The following PDCD1LG2 variants were observed in gnomAD, a reference collection of about 807,000 sequenced individuals.
The protein encoded by PDCD1LG2 is B7 dendritic cell molecule.
PDCD1LG2 carries 32 observed loss-of-function variants against 28.2 expected under a neutral mutation model. That is an observed-to-expected ratio of 1.13 (90% CI 0.86 to 1.52). The LOEUF is 1.52. Ranked by LOEUF, PDCD1LG2 falls within the 40% of genes most tolerant of loss-of-function variation. The probability of loss-of-function intolerance (pLI) is 0.00; values close to 1 mark genes in which losing one functional copy is unlikely to be tolerated. For synonymous variants in PDCD1LG2, 116 were observed against 120.2 expected, an observed-to-expected ratio of 0.97 and a Z score of 0.23; for missense variants, 385 against 323.8, an observed-to-expected ratio of 1.19 and a Z score of -1.45.
chr9:5,543,858 T>C (rs1385336495), intron 3 of PDCD1LG2, among the ~76,000 whole-genome samples: 2 of 110,146 alleles, frequency 1.8e-5, no homozygotes, highest in African/African-American at 7.2e-5. Flanking sequence ...AACAATGTCC[T>C]GAATTTCAAT....
Position 5,528,467 on chromosome 9 carries a change from A to AT in PDCD1LG2, c.55+5878dup, listed in dbSNP as rs919125294. On this transcript the variant is annotated intron_variant, in intron 2 of 6. Transcript: ENST00000397747. ...CAGGCCATGCCACCATGCCTGGCTA[A>AT]TTTTTTTTTTTTAATTTTGTAGACA... is the stretch of plus-strand genomic sequence containing the variant. 3.5e-3 allele frequency among the ~76,000 whole-genome samples: 500 copies of AT among 144,746 alleles called. 3 individuals are homozygous for AT. Among genetic ancestry groups the AT allele is most frequent in the Middle Eastern group, 3.6e-3 (1 of 280 alleles). 95.0% of individuals were successfully genotyped at this position (144,746 alleles called of 152,430 possible). A position where few individuals can be genotyped will look rare whatever the true frequency, so the allele number is the denominator to read the frequency against.
chr9:5,514,849 A>G (rs1023360821), intron 1 of PDCD1LG2, among the ~76,000 whole-genome samples: 5 of 152,076 alleles, frequency 3.3e-5, no homozygotes, highest in African/African-American at 1.2e-4. Flanking sequence ...TAGACAAGAA[A>G]TATCCTGAGA....
At chr9:5,563,244 A>C (rs1816601597) in intron 6 of PDCD1LG2, 33 bp downstream of exon 6, 3 of 1,569,752 alleles carry the variant, frequency 1.9e-6, no homozygotes, top group Admixed American at 1.7e-5. Context: ...TTTCTTTCTT[A>C]CTTTCTTTTC....
At chr9:5,530,960 T>A (rs1207453904) in intron 2 of PDCD1LG2, among the ~76,000 whole-genome samples, 1 of 152,224 alleles carries the variant, frequency 6.6e-6, no homozygotes, top group Non-Finnish European at 1.5e-5. Context: ...GGACAACACT[T>A]TGAAGGCAAG....
intron 3 of PDCD1LG2, among the ~76,000 whole-genome samples, chr9:5,541,180 C>G (rs770940437): frequency 2.6e-5 from 4 of 151,996 alleles, no homozygotes; most frequent in Non-Finnish European, 4.4e-5. Flanking sequence ...TGATTAAAAC[C>G]CTCAGCAAAA....
At chr9:5,545,844 A>G (rs971832144) in intron 3 of PDCD1LG2, among the ~76,000 whole-genome samples, 3 of 152,220 alleles carry the variant, frequency 2.0e-5, no homozygotes, top group African/African-American at 7.2e-5. Context: ...TATGTGGAAC[A>G]ATCATCAAAG....
chr9:5,555,591 T>C (rs1219853769), intron 4 of PDCD1LG2, among the ~76,000 whole-genome samples: 2 of 152,150 alleles, frequency 1.3e-5, no homozygotes, highest in East Asian at 3.8e-4. Context: ...AACACTCAGG[T>C]GGTTCAGAGC....
At chr9:5,528,891 G>C (rs1820429736) in intron 2 of PDCD1LG2, among the ~76,000 whole-genome samples, 1 of 152,098 alleles carries the variant, frequency 6.6e-6, no homozygotes, top group Non-Finnish European at 1.5e-5. Context: ...CACCATGCTT[G>C]GCTTATGTTT....
At chr9:5,514,575 T>G (rs565395047) in intron 1 of PDCD1LG2, among the ~76,000 whole-genome samples, 1 of 151,976 alleles carries the variant, frequency 6.6e-6, no homozygotes, top group Admixed American at 6.6e-5. Flanking sequence ...ATACTTCTTA[T>G]GTAGAAATAA....
chr9:5,540,014 T>C (rs1820658511), intron 3 of PDCD1LG2, among the ~76,000 whole-genome samples: 1 of 152,122 alleles, frequency 6.6e-6, no homozygotes, highest in South Asian at 2.1e-4. Flanking sequence ...TCTCCATAAA[T>C]TTAAGAAAAT....
intron 2 of PDCD1LG2, among the ~76,000 whole-genome samples, chr9:5,531,114 C>G (rs1820475178): frequency 6.6e-6 from 1 of 152,140 alleles, no homozygotes; most frequent in Admixed American, 6.6e-5. Flanking sequence ...TTAACAGATC[C>G]AAAGTAGTGC....
intron 2 of PDCD1LG2, among the ~76,000 whole-genome samples, chr9:5,525,984 T>G (rs1423177222): frequency 1.4e-5 from 2 of 140,048 alleles, no homozygotes; most frequent in African/African-American, 5.4e-5. Flanking sequence ...GAGTCGGAGG[T>G]GGCGGTGAGC....
chr9:5,553,731 C>A (rs1816382610), intron 4 of PDCD1LG2, among the ~76,000 whole-genome samples: 1 of 152,166 alleles, frequency 6.6e-6, no homozygotes, highest in Non-Finnish European at 1.5e-5. Context: ...GTGGGGTCTT[C>A]ATCAGAGCTC....
intron 1 of PDCD1LG2, among the ~76,000 whole-genome samples, chr9:5,521,606 A>G (rs1353038546): frequency 6.6e-6 from 1 of 152,078 alleles, no homozygotes; most frequent in African/African-American, 2.4e-5. Context: ...CCTCTCAGCA[A>G]TAGTCTATTG....
At chr9:5,522,400 C>G (rs1820292367) in intron 1 of PDCD1LG2, 133 bp from the exon 2 acceptor site, 1 of 623,078 alleles carries the variant, frequency 1.6e-6, no homozygotes, top group East Asian at 2.8e-5. Context: ...AACTTCTCCT[C>G]CCAGCTCCAC....
At chr9:5,555,181 G>A (rs1258416825) in intron 4 of PDCD1LG2, among the ~76,000 whole-genome samples, 1 of 152,158 alleles carries the variant, frequency 6.6e-6, no homozygotes, top group South Asian at 2.1e-4. Context: ...TTGGGAGGCT[G>A]AGATGGGTGG....
intron 3 of PDCD1LG2, among the ~76,000 whole-genome samples, chr9:5,543,008 T>C (rs1284379953): frequency 6.6e-6 from 1 of 152,104 alleles, no homozygotes; most frequent in African/African-American, 2.4e-5. Context: ...GCATATTATA[T>C]ATATACACCA....
chr9:5,567,352 G>A (rs749617638), intron 6 of PDCD1LG2, among the ~76,000 whole-genome samples: 8 of 152,312 alleles, frequency 5.3e-5, no homozygotes, highest in Admixed American at 1.3e-4. Flanking sequence ...CAGACCCACT[G>A]AGTCCTTGTC....
intron 4 of PDCD1LG2, among the ~76,000 whole-genome samples, chr9:5,552,061 A>G (rs1003188008): frequency 6.6e-6 from 1 of 152,174 alleles, no homozygotes; most frequent in African/African-American, 2.4e-5. Flanking sequence ...ACCCAGACTT[A>G]ACGACCCTAA....
Sources: allele counts gnomAD v4.1 joint callset (sites outside exome capture counted in the v4.1 genomes callset), GRCh38; gene constraint gnomAD v4.1.1; transcripts MANE v1.5; gene names NCBI Gene and HGNC (gene_info 2026-07-23, HGNC 2026-07-21).